SQOR: variants seen among roughly 807,000 people sequenced by gnomAD.
SQOR encodes sulfide quinone oxidoreductase.
In SQOR, 39 loss-of-function variants were observed where a neutral mutation model predicts 48.6. That is an observed-to-expected ratio of 0.80 (90% confidence interval 0.62 to 1.05). SQOR has a LOEUF of 1.05. SQOR is among the 50% of genes least tolerant of loss of function. The pLI, the probability that SQOR is intolerant of heterozygous loss-of-function variation, is 0.00. For missense variants in SQOR, 561 were observed against 559.9 expected (o/e 1.00, Z -0.02); for synonymous variants, 220 against 206.2 (o/e 1.07, Z -0.57).
At chr15:45,633,007 C>G (rs145547361), upstream of SQOR, among the ~76,000 whole-genome samples, 1,499 of 151,786 alleles carry the variant, frequency 9.9e-3, 24 homozygotes, top group African/African-American at 0.034. Context: ...CCTGTGGTCT[C>G]AGTTATTTGG....
chr15:45,686,331 T>C (rs968609080), intron 7 of SQOR, among the ~76,000 whole-genome samples: 2 of 152,162 alleles, frequency 1.3e-5, no homozygotes, highest in Admixed American at 6.5e-5. Flanking sequence ...TTCCTATTTT[T>C]AGTAGAGACG....
chr15:45,663,266 C>G (rs1283277630), intron 3 of SQOR, among the ~76,000 whole-genome samples: 1 of 152,136 alleles, frequency 6.6e-6, no homozygotes, highest in East Asian at 1.9e-4. Flanking sequence ...GATCCACCTG[C>G]CTCAGCCTCC....
chr15:45,667,137 C>G (rs1290055509), intron 3 of SQOR, among the ~76,000 whole-genome samples: 1 of 99,566 alleles, frequency 1.0e-5, no homozygotes, highest in African/African-American at 3.8e-5. Flanking sequence ...TCCCTCCTCT[C>G]CCCTCCCCTC....
At chr15:45,634,198 C>CTATATATATATATATATATATGTATA (rs1555399807), upstream of SQOR, among the ~76,000 whole-genome samples, 9 of 43,864 alleles carry the variant, frequency 2.1e-4, 1 homozygote, top group African/African-American at 6.6e-4. Flanking sequence ...ACAACAACAA[C>CTATATATATATATATATATATGTATA]TATATATATA....
chr15:45,688,310 T>G, intron 7 of SQOR, 27 bp from the exon 8 acceptor site: 2 of 1,543,138 alleles, frequency 1.3e-6, no homozygotes, highest in Admixed American at 2.0e-5. Flanking sequence ...TGCTTACATT[T>G]TTCTGACTTT....
At chr15:45,681,644 C>A (rs1890128997) in intron 6 of SQOR, among the ~76,000 whole-genome samples, 1 of 152,120 alleles carries the variant, frequency 6.6e-6, no homozygotes, top group South Asian at 2.1e-4. Context: ...GTGTCCTTAA[C>A]TGGACCCACT....
rs553924911 is a variant in SQOR at position 45,668,599 on chromosome 15, T to C, written c.406-1329T>C. ...TGGCTTTGGGGCTGAAGCTCCCGGA[T>C]GCCAGGGCAGGGCCTCTTGACTGCA... On this transcript the variant is annotated intron_variant, in intron 3 of 9. Coordinates refer to ENST00000260324, the MANE Select transcript of SQOR (RefSeq NM_021199.4). 5.9e-5 allele frequency among the ~76,000 whole-genome samples: 9 copies of C among 152,306 alleles called. No homozygotes were observed. In the South Asian group the frequency reaches 1.7e-3, roughly 28 times the overall value.
chr15:45,683,890 ATTTT>A (rs1555402346), intron 7 of SQOR, among the ~76,000 whole-genome samples: 7 of 133,854 alleles, frequency 5.2e-5, no homozygotes, highest in Non-Finnish European at 8.7e-5. Context: ...ATATATATAT[ATTTT>A]TGTTTGTTTG....
intron 1 of SQOR, among the ~76,000 whole-genome samples, chr15:45,647,553 C>G (rs1394093591): frequency 6.6e-6 from 1 of 151,930 alleles, no homozygotes; most frequent in Middle Eastern, 3.2e-3. Flanking sequence ...TCTCGAACTC[C>G]TGAGCTCAAG....
chr15:45,661,648 C>T (rs992886604), intron 2 of SQOR, among the ~76,000 whole-genome samples: 4 of 151,454 alleles, frequency 2.6e-5, no homozygotes, highest in African/African-American at 4.9e-5. Context: ...TAGATATGCA[C>T]GTGCATATAA....
At chr15:45,662,248 T>C in intron 3 of SQOR, 123 bp downstream of exon 3, 1 of 1,029,866 alleles carries the variant, frequency 9.7e-7, no homozygotes. Flanking sequence ...CATGAACGTA[T>C]GTGTGTTGAA....
At chr15:45,659,736 AT>A (rs539472291) in intron 2 of SQOR, among the ~76,000 whole-genome samples, 1 of 152,206 alleles carries the variant, frequency 6.6e-6, no homozygotes, top group Non-Finnish European at 1.5e-5. Context: ...GGCACACTCT[AT>A]TCAAGAATGA....
At chr15:45,661,289 TTAAAA>T (rs1482871271) in intron 2 of SQOR, among the ~76,000 whole-genome samples, 8,868 of 84,344 alleles carry the variant, frequency 0.11, 590 homozygotes, top group Middle Eastern at 0.3. Context: ...AGACTCTGTC[TTAAAA>T]AAAAAAAAAA....
chr15:45,676,475 G>T (rs1397554396), intron 6 of SQOR, among the ~76,000 whole-genome samples, 165 bp downstream of exon 6: 1 of 152,200 alleles, frequency 6.6e-6, no homozygotes, highest in East Asian at 1.9e-4. Context: ...GGCCAAAATG[G>T]TTGGGGAAGA....
intron 1 of SQOR, among the ~76,000 whole-genome samples, chr15:45,647,809 G>A (rs968245968): frequency 1.3e-5 from 2 of 152,024 alleles, no homozygotes; most frequent in Non-Finnish European, 2.9e-5. Context: ...CCAGCTACTC[G>A]GGAGACTTGA....
At chr15:45,640,801 G>C (rs1895092932) in intron 1 of SQOR, among the ~76,000 whole-genome samples, 1 of 152,134 alleles carries the variant, frequency 6.6e-6, no homozygotes, top group South Asian at 2.1e-4. Context: ...TGTGTGACTG[G>C]GAGTACACTG....
In SQOR at chr15:45,657,528, C is replaced by G. The variant is rs149173971; in HGVS notation, c.-17-1379C>G. Among the ~76,000 whole-genome samples, 440 of 152,264 alleles carry G rather than the reference C, an allele frequency of 2.9e-3. 2 individuals carry two copies. Among genetic ancestry groups the G allele is most frequent in the African/African-American group, 0.01 (423 of 41,546 alleles). On this transcript the variant is annotated intron_variant, in intron 1 of 9. Coordinates refer to ENST00000260324, the MANE Select transcript of SQOR (RefSeq NM_021199.4). ...CTACTTACCGTGGGCCTCCAAATCC[C>G]CTTCCTACAGCTCTAGGTTGCTTCT...
intron 1 of SQOR, among the ~76,000 whole-genome samples, chr15:45,646,883 A>G (rs920557569): frequency 1.2e-4 from 19 of 152,140 alleles, no homozygotes; most frequent in African/African-American, 4.6e-4. Context: ...CTCGGTGTAT[A>G]TTTCTGAAAG....
rs1187811685 is a variant in SQOR at position 45,691,247 on chromosome 15, A to C, written c.*217A>C. 1 of 522,532 alleles carries C rather than the reference A, an allele frequency of 1.9e-6. No homozygotes were observed. Among genetic ancestry groups the C allele is most frequent in the Admixed American group, 3.5e-5 (1 of 28,336 alleles). The allele number at this position is 522,532 out of a possible 1,614,324, so 32.4% of individuals were successfully genotyped here. A position where few individuals can be genotyped will look rare whatever the true frequency, so the allele number is the denominator to read the frequency against. ...TCTTTGGGAATAATAAAATGAAATA[A>C]TACTTTTATTTTCTGAATAAAAGTT... On this transcript the variant is annotated 3_prime_UTR_variant, in exon 10 of 10. Coordinates refer to ENST00000260324, the MANE Select transcript of SQOR (RefSeq NM_021199.4).
Sources: gnomAD v4.1 joint callset for allele counts (sites outside exome capture counted in the v4.1 genomes callset) on GRCh38, gnomAD v4.1.1 for gene constraint, MANE v1.5 for transcripts, NCBI Gene and HGNC (gene_info 2026-07-23, HGNC 2026-07-21) for gene names.